The following PDE4D variants were observed in gnomAD, a reference collection of about 807,000 sequenced individuals.
PDE4D encodes the protein 3',5'-cyclic-AMP phosphodiesterase 4D.
In PDE4D, 24 loss-of-function variants were observed where a neutral mutation model predicts 87.4. The ratio of observed to expected loss-of-function variants is 0.27; its 90% confidence interval spans 0.20 to 0.39. The LOEUF is 0.39. Ranked by LOEUF, PDE4D falls within the 10% of genes least tolerant of loss-of-function variation. PDE4D has a pLI of 1.00. For missense variants in PDE4D, 714 were observed against 1,041.0 expected (o/e 0.69, Z 4.32); for synonymous variants, 384 against 383.2 (o/e 1.00, Z -0.02).
intron 2 of PDE4D, among the ~76,000 whole-genome samples, chr5:60,025,187 ATAAAG>A (rs1202965190): frequency 1.3e-5 from 2 of 152,226 alleles, no homozygotes; most frequent in African/African-American, 4.8e-5. Context: ...GGCCTCACTT[ATAAAG>A]TAGTCTGTCA....
At chr5:59,245,077 G>T (rs994764666) in intron 1 of PDE4D, among the ~76,000 whole-genome samples, 6 of 152,062 alleles carry the variant, frequency 3.9e-5, no homozygotes, top group African/African-American at 9.7e-5. Context: ...CATTTATGAT[G>T]CAAGGTGAAG....
chr5:60,230,609 G>T (rs527729797), intron 1 of PDE4D, among the ~76,000 whole-genome samples: 1 of 152,212 alleles, frequency 6.6e-6, no homozygotes. Flanking sequence ...TTTAGGAAAG[G>T]AGAAGCTGGG....
intron 1 of PDE4D, among the ~76,000 whole-genome samples, chr5:59,693,567 C>T (rs764338457): frequency 6.6e-6 from 1 of 152,066 alleles, no homozygotes; most frequent in Non-Finnish European, 1.5e-5. Flanking sequence ...TCAATGTTTA[C>T]CCTTAAAGAT....
chr5:60,433,382 C>T (rs921042682), intron 1 of PDE4D, among the ~76,000 whole-genome samples: 1 of 152,134 alleles, frequency 6.6e-6, no homozygotes, highest in African/African-American at 2.4e-5. Context: ...TATCATCTCA[C>T]ACCAGTCAGA....
rs112859484 is a variant in PDE4D, at chr5:59,952,228, C to T, written c.272+36260G>A. ...TCCATGATTGTAAGTTTCCTGAGGC[C>T]TCCCAAGGTCTGTGGAACTGTGTCA... On this transcript the variant is annotated intron_variant, in intron 3 of 16. Transcript: ENST00000502484. Among the ~76,000 whole-genome samples, 186 of 152,220 alleles carry T rather than the reference C, an allele frequency of 1.2e-3. 1 individual carries two copies. The highest frequency in any genetic ancestry group is 4.3e-3 in the African/African-American group (177 of 41,510).
intron 1 of PDE4D, among the ~76,000 whole-genome samples, chr5:60,424,480 T>C (rs77357609): frequency 6.6e-6 from 1 of 152,112 alleles, no homozygotes; most frequent in Non-Finnish European, 1.5e-5. Flanking sequence ...CAAAATTCGA[T>C]AGCCCTTCAT....
chr5:59,925,649 A>T (rs139683306), intron 3 of PDE4D, among the ~76,000 whole-genome samples: 111 of 152,320 alleles, frequency 7.3e-4, no homozygotes, highest in Non-Finnish European at 1.4e-3. Flanking sequence ...ACACACATGT[A>T]CTGAAAATAA....
At chr5:59,938,329 G>A (rs146708258) in intron 3 of PDE4D, among the ~76,000 whole-genome samples, 33 of 152,238 alleles carry the variant, frequency 2.2e-4, no homozygotes, top group African/African-American at 7.2e-4. Flanking sequence ...CAGGGACACT[G>A]GTGTTTACCT....
intron 2 of PDE4D, among the ~76,000 whole-genome samples, chr5:60,036,615 C>A (rs1767828055): frequency 6.6e-6 from 1 of 152,196 alleles, no homozygotes; most frequent in Admixed American, 6.5e-5. Context: ...TCACAAAGTT[C>A]ACAGAATTAT....
intron 2 of PDE4D, among the ~76,000 whole-genome samples, chr5:60,111,942 G>A (rs1185470113): frequency 6.6e-6 from 1 of 151,830 alleles, no homozygotes; most frequent in Non-Finnish European, 1.5e-5. Context: ...TTCATGATTT[G>A]AACCTTAACA....
chr5:59,960,349 G>A (rs1182109600), intron 3 of PDE4D, among the ~76,000 whole-genome samples: 2 of 152,172 alleles, frequency 1.3e-5, no homozygotes, highest in Non-Finnish European at 2.9e-5. Context: ...CCATTACTGG[G>A]TATAATACCA....
chr5:60,418,218 C>G (rs10075791), intron 1 of PDE4D, among the ~76,000 whole-genome samples: 2 of 152,022 alleles, frequency 1.3e-5, no homozygotes, highest in African/African-American at 4.8e-5. Flanking sequence ...GCTCACAGGA[C>G]ATGATTCCAT....
intron 1 of PDE4D, among the ~76,000 whole-genome samples, chr5:60,335,567 C>T (rs150593004): frequency 2.3e-4 from 35 of 152,194 alleles, no homozygotes; most frequent in Admixed American, 2.2e-3. Context: ...AGTAAATGCT[C>T]TAAGAAAGGG....
chr5:59,851,569 T>C (rs749500535), intron 1 of PDE4D, among the ~76,000 whole-genome samples: 1 of 152,042 alleles, frequency 6.6e-6, no homozygotes, highest in Non-Finnish European at 1.5e-5. Context: ...CCTTTGATTC[T>C]GTTTTTTTCA....
chr5:60,298,238 A>C (rs564207468), intron 1 of PDE4D, among the ~76,000 whole-genome samples: 220 of 152,278 alleles, frequency 1.4e-3, no homozygotes, highest in African/African-American at 5.1e-3. Flanking sequence ...TTTTTCCTCA[A>C]TCTCTCCTGT....
chr5:59,256,559 A>T (rs990530298), intron 1 of PDE4D, among the ~76,000 whole-genome samples: 2 of 152,132 alleles, frequency 1.3e-5, no homozygotes, highest in African/African-American at 4.8e-5. Context: ...GTCAAAAAAA[A>T]TTGGAAAGCA....
rs150441050 is a variant in PDE4D at position 60,074,168 on chromosome 5, A to G, written c.43-85451T>C. On this transcript the variant is annotated intron_variant, in intron 2 of 16. Transcript: ENST00000502484. ...CTTTTTGATGTGAGCATTTAGTGCT[A>G]TAAATTTCCTGGTTAACATTGCCTT... Among the ~76,000 whole-genome samples the G allele has an allele frequency of 4.3e-3, 654 of 152,276 alleles. 5 individuals carry two copies. Among genetic ancestry groups the G allele is most frequent in the African/African-American group, 0.015 (635 of 41,568 alleles).
chr5:59,393,798 C>T (rs1397568920), intron 1 of PDE4D, among the ~76,000 whole-genome samples: 1 of 152,174 alleles, frequency 6.6e-6, no homozygotes, highest in Non-Finnish European at 1.5e-5. Flanking sequence ...GGTACAGCAT[C>T]AAGAAAGTAA....
At chr5:59,750,569 C>CT (rs1283745714) in intron 1 of PDE4D, among the ~76,000 whole-genome samples, 1 of 152,176 alleles carries the variant, frequency 6.6e-6, no homozygotes, top group Admixed American at 6.5e-5. Context: ...CTGACTTATT[C>CT]TTCTATACTG....
Sources: allele counts gnomAD v4.1 joint callset (sites outside exome capture counted in the v4.1 genomes callset), GRCh38; gene constraint gnomAD v4.1.1; transcripts MANE v1.5; gene names NCBI Gene and HGNC (gene_info 2026-07-23, HGNC 2026-07-21).